BACE2: variants seen among roughly 807,000 people sequenced by gnomAD.
BACE2 encodes beta-secretase 2.
In BACE2, 17 loss-of-function variants were observed where a neutral mutation model predicts 46.2. The ratio of observed to expected loss-of-function variants is 0.37; its 90% confidence interval spans 0.25 to 0.55. The LOEUF (loss-of-function observed/expected upper bound fraction) is 0.55, where lower values mean the gene tolerates loss of function less well. Ranked by LOEUF, BACE2 falls within the 20% of genes least tolerant of loss-of-function variation. The pLI is 0.82. For missense variants in BACE2, 595 were observed against 698.1 expected, an observed-to-expected ratio of 0.85 and a Z score of 1.66; for synonymous variants, 277 against 295.9, an observed-to-expected ratio of 0.94 and a Z score of 0.66.
rs1985895955 is a variant in BACE2 at position 41,199,905 on chromosome 21, G to C, written c.313-26361G>C. Among the ~76,000 whole-genome samples the C allele has an allele frequency of 2.6e-5, 4 of 152,138 alleles. No homozygotes were observed. The South Asian group carries it at 8.3e-4, about 32-fold the overall frequency. ...TCCCACCTATGAGTGAGAACATGCG[G>C]TGTTTGGTTTTTTGTCCTTGCGACA... On this transcript the variant is annotated intron_variant, in intron 1 of 8. Transcript: ENST00000330333.
chr21:41,191,892 G>C lies in BACE2; in HGVS notation c.312+23317G>C, dbSNP rs528065832. Reference sequence around the variant, plus strand: ...GGATACAAATATCTTCACAATTTTTGACCACTCAGAGAGGTCCATCCACAT... The same window carrying C: ...GGATACAAATATCTTCACAATTTTTCACCACTCAGAGAGGTCCATCCACAT... On this transcript the variant is annotated intron_variant, in intron 1 of 8. Transcript: ENST00000330333. Among the ~76,000 whole-genome samples the C allele has an allele frequency of 6.2e-4, 95 of 152,248 alleles. 1 individual carries two copies. The South Asian group carries it at 0.019, about 30-fold the overall frequency.
At chr21:41,257,463 C>G (rs1395707003) in intron 8 of BACE2, 137 bp downstream of exon 8, 1 of 1,035,450 alleles carries the variant, frequency 9.7e-7, no homozygotes, top group African/African-American at 1.6e-5. Flanking sequence ...TGATCAAAAT[C>G]TTCTCAATAA....
chr21:41,200,203 A>AC lies in BACE2; in HGVS notation c.313-26063_313-26062insC, dbSNP rs1170075910. Among the ~76,000 whole-genome samples, 90 of 133,096 alleles carry AC rather than the reference A, an allele frequency of 6.8e-4. 1 individual carries two copies. The highest frequency in any genetic ancestry group is 3.7e-3 in the Middle Eastern group (1 of 272). The allele number at this position is 133,096 out of a possible 152,430, so 87.3% of individuals were successfully genotyped here. On this transcript the variant is annotated intron_variant, in intron 1 of 8. Transcript: ENST00000330333. Reference sequence around the variant, plus strand: ...TTCAAGTATAATTAAAAAAAAAAACAAAAAAAAAACCCAAAACCTCTTCTT... The same window carrying AC: ...TTCAAGTATAATTAAAAAAAAAAACACAAAAAAAAACCCAAAACCTCTTCTT...
chr21:41,260,198 G>A (rs901159241), intron 8 of BACE2, among the ~76,000 whole-genome samples: 1 of 152,194 alleles, frequency 6.6e-6, no homozygotes, highest in Non-Finnish European at 1.5e-5. Context: ...AGGCTTGAGT[G>A]CAGTGGCATG....
chr21:41,218,331 A>G (rs1702831597), intron 1 of BACE2, among the ~76,000 whole-genome samples: 1 of 152,220 alleles, frequency 6.6e-6, no homozygotes, highest in Admixed American at 6.5e-5. Flanking sequence ...TGTTAAGAAA[A>G]AAAATATGAC....
At chr21:41,169,241 G>A (rs1260658739) in intron 1 of BACE2, among the ~76,000 whole-genome samples, 1 of 150,326 alleles carries the variant, frequency 6.7e-6, no homozygotes, top group Admixed American at 6.6e-5. Flanking sequence ...TGCACGGAGC[G>A]ATGCATCTAC....
intron 1 of BACE2, among the ~76,000 whole-genome samples, chr21:41,212,643 T>C (rs1269696518): frequency 2.0e-5 from 3 of 152,104 alleles, no homozygotes; most frequent in Non-Finnish European, 4.4e-5. Flanking sequence ...ACTGTTTGCC[T>C]GGGGAGTAAG....
chr21:41,268,799 G>GT (rs201450626), intron 8 of BACE2, among the ~76,000 whole-genome samples: 1,915 of 152,072 alleles, frequency 0.013, 43 homozygotes, highest in Admixed American at 0.044. Flanking sequence ...ATTTTATTGG[G>GT]TTTTTTTGCA....
rs904085838 is a variant in BACE2, at chr21:41,278,640, C to T, written c.*3016C>T. 3 of 152,156 alleles carry T rather than the reference C, an allele frequency of 2.0e-5. No homozygotes were observed. The highest frequency in any genetic ancestry group is 1.3e-4 in the Admixed American group (2 of 15,280). 9.4% of individuals were successfully genotyped at this position (152,156 alleles called of 1,614,324 possible). On this transcript the variant is annotated 3_prime_UTR_variant, in exon 9 of 9. Transcript: ENST00000330333. ...CCCAGGAAGACAGCATTAGTGACTC[C>T]GCAGTGCTTTGGGTAATAGATTTTG...
chr21:41,243,640 A>T, intron 5 of BACE2, 130 bp downstream of exon 5: 1 of 962,688 alleles, frequency 1.0e-6, no homozygotes, highest in African/African-American at 1.7e-5. Flanking sequence ...ACATGAAAAG[A>T]TGCAGGGCCT....
chr21:41,194,235 G>A (rs535044786), intron 1 of BACE2, among the ~76,000 whole-genome samples: 10 of 143,028 alleles, frequency 7.0e-5, no homozygotes, highest in East Asian at 2.1e-4. Context: ...AACCAATGCC[G>A]GAGCTCTACA....
chr21:41,223,353 CA>C (rs112376990), intron 1 of BACE2, among the ~76,000 whole-genome samples: 28,530 of 127,308 alleles, frequency 0.22, 3,213 homozygotes, highest in African/African-American at 0.37. Context: ...GAGACACTGT[CA>C]AAAAAAAAAA....
chr21:41,171,294 T>C (rs1377143220), intron 1 of BACE2, among the ~76,000 whole-genome samples: 2 of 152,202 alleles, frequency 1.3e-5, no homozygotes, highest in African/African-American at 2.4e-5. Context: ...GGAGAGGCCT[T>C]GAGAGGAGAG....
chr21:41,227,724 C>T (rs189906569), intron 2 of BACE2, among the ~76,000 whole-genome samples: 106 of 152,312 alleles, frequency 7.0e-4, no homozygotes, highest in African/African-American at 2.4e-3. Context: ...AAGCTTTCTT[C>T]ATTGATATTC....
chr21:41,197,410 A>G (rs976927491), intron 1 of BACE2, among the ~76,000 whole-genome samples: 3 of 151,902 alleles, frequency 2.0e-5, no homozygotes, highest in African/African-American at 7.3e-5. Flanking sequence ...TACTTAGTAG[A>G]TATTGAAAAA....
chr21:41,233,276 T>C (rs538239966), intron 2 of BACE2, among the ~76,000 whole-genome samples: 1 of 152,228 alleles, frequency 6.6e-6, no homozygotes, highest in South Asian at 2.1e-4. Context: ...CAATATTAAC[T>C]CTTTTAATCT....
intron 8 of BACE2, among the ~76,000 whole-genome samples, chr21:41,272,212 A>T (rs1210001661): frequency 6.6e-6 from 1 of 151,650 alleles, no homozygotes; most frequent in Non-Finnish European, 1.5e-5. Flanking sequence ...TTTGTACATA[A>T]TATTTCTTTT....
rs1323214491 is a variant in BACE2 at position 41,200,278 on chromosome 21, G to T, written c.313-25988G>T. Among the ~76,000 whole-genome samples, 3 of 151,868 alleles carry T rather than the reference G, an allele frequency of 2.0e-5. No individual in the cohort carries two copies. In the East Asian group the frequency reaches 5.8e-4, roughly 29 times the overall value. ...TTCTGGCTGGACTCTGATAAATACA[G>T]CTGGTGACCATTATTTCAGAATGAA... On this transcript the variant is annotated intron_variant, in intron 1 of 8. Transcript: ENST00000330333.
intron 1 of BACE2, among the ~76,000 whole-genome samples, chr21:41,218,975 G>C (rs907428276): frequency 6.6e-6 from 1 of 151,516 alleles, no homozygotes; most frequent in African/African-American, 2.4e-5. Context: ...CGATTTTCCT[G>C]CCTCAGCCTC....
Sources: allele counts gnomAD v4.1 joint callset (sites outside exome capture counted in the v4.1 genomes callset), GRCh38; gene constraint gnomAD v4.1.1; transcripts MANE v1.5; gene names NCBI Gene and HGNC (gene_info 2026-07-23, HGNC 2026-07-21).